SEC63: variants seen among roughly 807,000 people sequenced by gnomAD.
SEC63 encodes translocation protein SEC63 homolog.
Under a neutral mutation model 116.2 loss-of-function variants are expected in SEC63, and 56 were observed. The ratio of observed to expected loss-of-function variants is 0.48; its 90% CI spans 0.39 to 0.60. SEC63 has a LOEUF of 0.60. Ranked by LOEUF, SEC63 falls within the 20% of genes least tolerant of loss-of-function variation. The pLI is 0.00. For synonymous variants in SEC63, 273 were observed against 294.6 expected, an observed-to-expected ratio of 0.93 and a Z score of 0.75; for missense variants, 668 against 900.0, an observed-to-expected ratio of 0.74 and a Z score of 3.30.
At chr6:107,933,045 G>A (rs1024894889) in intron 1 of SEC63, among the ~76,000 whole-genome samples, 5 of 152,212 alleles carry the variant, frequency 3.3e-5, no homozygotes, top group Admixed American at 2.6e-4. Context: ...ATCATAGAAG[G>A]ACCATAATCA....
intron 2 of SEC63, 46 bp from the exon 3 acceptor site, chr6:107,924,978 TAG>T: frequency 9.2e-7 from 1 of 1,086,876 alleles, no homozygotes; most frequent in Non-Finnish European, 1.4e-6. Flanking sequence ...TACATCTGCA[TAG>T]AGTCTAAAGA....
At position 107,929,527 on chromosome 6, in the gene SEC63, A is replaced by G. The variant is rs767214844; in HGVS notation, c.125-13T>C. 9.5e-6 allele frequency: 14 copies of G among 1,480,732 alleles called. No individual in the cohort carries two copies. In the South Asian group the frequency reaches 1.6e-4, roughly 17 times the overall value. The allele number at this position is 1,480,732 out of a possible 1,614,324, so 91.7% of individuals were successfully genotyped here. A position where few individuals can be genotyped will look rare whatever the true frequency, so the allele number is the denominator to read the frequency against. On this transcript the variant is annotated splice_polypyrimidine_tract_variant and intron_variant, in intron 1 of 20. Coordinates refer to ENST00000369002, the MANE Select transcript of SEC63 (RefSeq NM_007214.5). ...AATCGAATTTGCTCTGTCAAGAAAG[A>G]AAAATAAGATGAATTAAAAACCATT...
intron 19 of SEC63, among the ~76,000 whole-genome samples, chr6:107,874,440 T>C (rs1024159144): frequency 7.3e-5 from 11 of 151,322 alleles, no homozygotes; most frequent in Non-Finnish European, 1.5e-5. Flanking sequence ...TAAAAAAATA[T>C]AAAAAATTAG....
At chr6:107,912,634 C>G (rs537174163) in intron 6 of SEC63, 82 bp downstream of exon 6, 1 of 803,144 alleles carries the variant, frequency 1.2e-6, no homozygotes. Context: ...TGTAATAGTT[C>G]TTCTTGTATT....
intron 16 of SEC63, among the ~76,000 whole-genome samples, chr6:107,884,124 G>A (rs1211306837): frequency 7.1e-6 from 1 of 140,292 alleles, no homozygotes; most frequent in Non-Finnish European, 1.6e-5. Context: ...CAAAAAAATA[G>A]CTGGGCATGG....
chr6:107,922,930 T>G (rs1056917883), intron 3 of SEC63, among the ~76,000 whole-genome samples: 1 of 152,004 alleles, frequency 6.6e-6, no homozygotes, highest in Non-Finnish European at 1.5e-5. Context: ...TAGATTGAGC[T>G]TGGCTACTAA....
At chr6:107,893,107 TACACACACACACAC>T (rs55814816) in intron 16 of SEC63, among the ~76,000 whole-genome samples, 10,862 of 145,652 alleles carry the variant, frequency 0.075, 629 homozygotes, top group African/African-American at 0.16. Context: ...TGAAATACTA[TACACACACACACAC>T]ACACACACAC....
In SEC63 at chr6:107,903,344, C is replaced by A. The variant is rs75008675; in HGVS notation, c.1055-346G>T. ...CATAACCACTATCCTTTTTTAAGGGCATTCCTTTCCATTACTGACCAGAAA... is the reference window on the plus strand; with the variant it reads ...CATAACCACTATCCTTTTTTAAGGGAATTCCTTTCCATTACTGACCAGAAA... On this transcript the variant is annotated intron_variant, in intron 11 of 20. Transcript: ENST00000369002. Among the ~76,000 whole-genome samples, 465 of 152,012 alleles carry A rather than the reference C, an allele frequency of 3.1e-3. 3 individuals are homozygous for A. Among genetic ancestry groups the A allele is most frequent in the African/African-American group, 0.011 (436 of 41,462 alleles).
chr6:107,955,210 G>A (rs1487219548), intron 1 of SEC63, among the ~76,000 whole-genome samples: 1 of 152,142 alleles, frequency 6.6e-6, no homozygotes, highest in African/African-American at 2.4e-5. Context: ...CTGCATTGCT[G>A]GAGTGTGGTG....
chr6:107,870,907 T>C lies in SEC63; in HGVS notation c.*797A>G, dbSNP rs1786116187. The C allele has an allele frequency of 6.6e-6, 1 of 152,404 alleles. No individual in the cohort carries two copies. Among genetic ancestry groups the C allele is most frequent in the African/African-American group, 2.4e-5 (1 of 41,440 alleles). 9.4% of individuals were successfully genotyped at this position (152,404 alleles called of 1,614,324 possible). ...GAAAACTAAGGATGTAGTTCAGCTT[T>C]TAGAGTGAACCTTTTTTAAAAAAGG... On this transcript the variant is annotated 3_prime_UTR_variant, in exon 21 of 21. Transcript: ENST00000369002.
In SEC63 at chr6:107,867,862, T is replaced by G. The variant is rs1477235397; in HGVS notation, c.*3842A>C. The stretch of plus-strand genomic sequence containing the variant: ...AAAATAGAAATTTAAAAGGATGAGA[T>G]TAAATACAAATAATCATCTTAATAC... On this transcript the variant is annotated 3_prime_UTR_variant, in exon 21 of 21. Transcript: ENST00000369002. The G allele has an allele frequency of 6.6e-6, 1 of 152,126 alleles. No homozygotes were observed. The highest frequency in any genetic ancestry group is 1.9e-4 in the East Asian group (1 of 5,198). The allele number at this position is 152,126 out of a possible 1,614,324, so 9.4% of individuals were successfully genotyped here.
At chr6:107,930,075 C>T (rs547832146) in intron 1 of SEC63, 1 of 153,788 alleles carries the variant, frequency 6.5e-6, no homozygotes, top group South Asian at 2.0e-4. Context: ...GCAGCACATA[C>T]ACTAAAACCG....
At chr6:107,913,854 T>A (rs976970490) in intron 4 of SEC63, among the ~76,000 whole-genome samples, 5 of 152,218 alleles carry the variant, frequency 3.3e-5, no homozygotes, top group Non-Finnish European at 7.3e-5. Context: ...ACACATTTTT[T>A]AAAAACATAA....
chr6:107,901,259 T>C (rs918274598), intron 13 of SEC63, 111 bp downstream of exon 13: 2 of 1,094,942 alleles, frequency 1.8e-6, no homozygotes, highest in African/African-American at 3.1e-5. Flanking sequence ...CTGCAAAGTC[T>C]AATAACAAGT....
chr6:107,956,426 T>C (rs1317709726), intron 1 of SEC63, among the ~76,000 whole-genome samples: 2 of 152,190 alleles, frequency 1.3e-5, no homozygotes, highest in South Asian at 2.1e-4. Flanking sequence ...ACTTCACTTA[T>C]ACACAATCAC....
chr6:107,889,845 A>C (rs1786637807), intron 16 of SEC63, among the ~76,000 whole-genome samples: 1 of 152,194 alleles, frequency 6.6e-6, no homozygotes, highest in Admixed American at 6.5e-5. Flanking sequence ...TTTACCCAGT[A>C]GTCATTCAGG....
chr6:107,878,868 G>C (rs968104775), intron 18 of SEC63, among the ~76,000 whole-genome samples: 1 of 151,474 alleles, frequency 6.6e-6, no homozygotes, highest in Non-Finnish European at 1.5e-5. Flanking sequence ...AAAAAAAAAA[G>C]AATATTTATT....
intron 6 of SEC63, among the ~76,000 whole-genome samples, chr6:107,912,413 T>C (rs1787302567): frequency 6.6e-6 from 1 of 152,130 alleles, no homozygotes; most frequent in South Asian, 2.1e-4. Flanking sequence ...CAAAACCCCA[T>C]CTCTACTAAA....
At chr6:107,923,292 T>G (rs141913384) in intron 3 of SEC63, among the ~76,000 whole-genome samples, 2 of 152,252 alleles carry the variant, frequency 1.3e-5, no homozygotes, top group Admixed American at 6.5e-5. Context: ...TGTTAGTTTT[T>G]TGTACAGATG....
Sources: gnomAD v4.1 joint callset for allele counts (sites outside exome capture counted in the v4.1 genomes callset) on GRCh38, gnomAD v4.1.1 for gene constraint, MANE v1.5 for transcripts, NCBI Gene and HGNC (gene_info 2026-07-23, HGNC 2026-07-21) for gene names.